The following PIK3C2G variants were observed in gnomAD, a reference collection of about 807,000 sequenced individuals.
PIK3C2G encodes phosphatidylinositol 3-kinase C2 domain-containing subunit gamma.
In PIK3C2G, 168 loss-of-function variants were observed where a neutral mutation model predicts 181.1. That is an observed-to-expected ratio of 0.93 (90% CI 0.82 to 1.05). The LOEUF is 1.05. Ranked by LOEUF, PIK3C2G falls within the 50% of genes least tolerant of loss-of-function variation. The pLI is 0.00. For missense variants in PIK3C2G, 1,869 were observed against 1,732.8 expected, an observed-to-expected ratio of 1.08 and a Z score of -1.40; for synonymous variants, 573 against 592.2, an observed-to-expected ratio of 0.97 and a Z score of 0.47.
the PIK3C2G span, among the ~76,000 whole-genome samples, chr12:18,713,197 T>G: frequency 6.6e-6 from 1 of 152,104 alleles, no homozygotes. Flanking sequence ...AGTACAATAC[T>G]GTGTCTTTCT....
intron 1 of PIK3C2G, among the ~76,000 whole-genome samples, chr12:18,254,873 A>G (rs1948128392): frequency 6.6e-6 from 1 of 151,608 alleles, no homozygotes; most frequent in South Asian, 2.1e-4. Flanking sequence ...AATAATAATA[A>G]TTTCTTAATT....
chr12:18,427,410 G>A (rs1002998162), intron 18 of PIK3C2G, among the ~76,000 whole-genome samples: 1 of 150,782 alleles, frequency 6.6e-6, no homozygotes, highest in Non-Finnish European at 1.5e-5. Flanking sequence ...AGGAGGCTGA[G>A]GCAGGAGAAT....
intron 31 of PIK3C2G, among the ~76,000 whole-genome samples, chr12:18,622,599 C>A (rs1301780228): frequency 1.3e-5 from 2 of 151,764 alleles, no homozygotes; most frequent in South Asian, 2.1e-4. Flanking sequence ...GCTTATATGG[C>A]AATCTTGTTT....
the PIK3C2G span, among the ~76,000 whole-genome samples, chr12:18,699,162 TG>T: frequency 6.6e-6 from 1 of 152,170 alleles, no homozygotes; most frequent in Admixed American, 6.5e-5. Context: ...AGGTGTGCAG[TG>T]GGGCATGCAC....
chr12:18,508,012 CATAATCG>C (rs1200195792), intron 24 of PIK3C2G, among the ~76,000 whole-genome samples: 1 of 152,284 alleles, frequency 6.6e-6, no homozygotes, highest in East Asian at 1.9e-4. Flanking sequence ...CAGCCACACT[CATAATCG>C]GTTCTTAATA....
intron 5 of PIK3C2G, among the ~76,000 whole-genome samples, chr12:18,300,676 T>G (rs532117430): frequency 6.6e-6 from 1 of 152,224 alleles, no homozygotes; most frequent in East Asian, 1.9e-4. Flanking sequence ...TCTAGTTATG[T>G]ATATCTTTTG....
chr12:18,254,033 T>G (rs994391800), intron 1 of PIK3C2G, among the ~76,000 whole-genome samples: 8 of 152,040 alleles, frequency 5.3e-5, no homozygotes, highest in African/African-American at 1.9e-4. Flanking sequence ...AGATGCATCC[T>G]AAGAGCCTAG....
chr12:18,647,901 TC>T lies in PIK3C2G; in HGVS notation c.4336del (p.Gln1446LysfsTer5). 1 of 1,585,268 alleles carries T rather than the reference TC, an allele frequency of 6.3e-7. No individual in the cohort carries two copies. Among genetic ancestry groups the T allele is most frequent in the Non-Finnish European group, 8.6e-7 (1 of 1,163,414 alleles). The stretch of plus-strand genomic sequence containing the variant: ...GTAGTATATGATGAAGTCACAGAGC[TC>T]CAAGGACATGTCTTAATGCTTATTG... ...EIVVYDEVTE[L>X]QGHVLMLIVK... is the part of the protein sequence containing the mutation. On this transcript the variant is annotated frameshift_variant, in exon 33 of 33. Transcript: ENST00000538779. LOFTEE classifies it high-confidence loss of function.
chr12:18,576,652 TA>T (rs923076127), intron 29 of PIK3C2G, among the ~76,000 whole-genome samples: 79 of 152,334 alleles, frequency 5.2e-4, no homozygotes, highest in African/African-American at 1.9e-3. Flanking sequence ...TAACATGTCT[TA>T]ATCTATTTGC....
chr12:18,352,956 G>C (rs141530049), intron 11 of PIK3C2G, among the ~76,000 whole-genome samples: 40 of 152,252 alleles, frequency 2.6e-4, no homozygotes, highest in Middle Eastern at 3.4e-3. Context: ...TGGACCCTGG[G>C]GTTTTTCTGG....
intron 11 of PIK3C2G, among the ~76,000 whole-genome samples, chr12:18,351,211 T>C (rs1473416065): frequency 6.6e-6 from 1 of 151,966 alleles, no homozygotes; most frequent in African/African-American, 2.4e-5. Context: ...TTAGAAAACA[T>C]TATAACTTAA....
chr12:18,513,225 T>C (rs2136149725), intron 24 of PIK3C2G, among the ~76,000 whole-genome samples: 1 of 152,004 alleles, frequency 6.6e-6, no homozygotes, highest in East Asian at 1.9e-4. Flanking sequence ...TTTTTGCATC[T>C]ACGTTAATTA....
Position 18,389,196 on chromosome 12 carries a change from C to CA in PIK3C2G, c.1996-1919dup, listed in dbSNP as rs535998882. ...TGAAACCCCGTCTCTACTAAAAATA[C>CA]AAAAAAATTAGCTGGGTGTGGTGGT... On this transcript the variant is annotated intron_variant, in intron 14 of 32. Coordinates refer to ENST00000538779, the MANE Select transcript of PIK3C2G (RefSeq NM_001288772.2). Among the ~76,000 whole-genome samples, 437 of 151,894 alleles carry CA rather than the reference C, an allele frequency of 2.9e-3. 1 individual carries two copies. Among genetic ancestry groups the CA allele is most frequent in the African/African-American group, 9.7e-3 (404 of 41,440 alleles).
intron 18 of PIK3C2G, among the ~76,000 whole-genome samples, chr12:18,476,393 CAA>C (rs1938998477): frequency 6.6e-6 from 1 of 152,002 alleles, no homozygotes; most frequent in South Asian, 2.1e-4. Context: ...CCGAGAGAAA[CAA>C]ATCATGAAGT....
chr12:18,453,847 T>A (rs1381741078), intron 18 of PIK3C2G, among the ~76,000 whole-genome samples: 1 of 152,190 alleles, frequency 6.6e-6, no homozygotes, highest in African/African-American at 2.4e-5. Context: ...ACTGTCTAAT[T>A]TGAATGTTGT....
At chr12:18,450,514 T>C (rs1053701539) in intron 18 of PIK3C2G, among the ~76,000 whole-genome samples, 10 of 152,112 alleles carry the variant, frequency 6.6e-5, no homozygotes, top group Non-Finnish European at 1.5e-4. Context: ...TGCAAAAATG[T>C]TCCCTCCTTC....
At chr12:18,588,896 A>G (rs1946926659) in intron 29 of PIK3C2G, among the ~76,000 whole-genome samples, 1 of 152,080 alleles carries the variant, frequency 6.6e-6, no homozygotes, top group South Asian at 2.1e-4. Flanking sequence ...ATACACCATG[A>G]AATGCTATGC....
intron 1 of PIK3C2G, among the ~76,000 whole-genome samples, chr12:18,252,051 G>T (rs76300192): frequency 4.5e-4 from 69 of 152,128 alleles, no homozygotes; most frequent in African/African-American, 1.5e-3. Flanking sequence ...AAAACTACAG[G>T]ACATAAATTT....
At chr12:18,331,993 T>G (rs1938023263) in intron 8 of PIK3C2G, among the ~76,000 whole-genome samples, 1 of 152,192 alleles carries the variant, frequency 6.6e-6, no homozygotes, top group African/African-American at 2.4e-5. Context: ...TTACACTTAC[T>G]AAGAATTTAT....
Sources: gnomAD v4.1 joint callset for allele counts (sites outside exome capture counted in the v4.1 genomes callset) on GRCh38, gnomAD v4.1.1 for gene constraint, MANE v1.5 for transcripts, NCBI Gene and HGNC (gene_info 2026-07-23, HGNC 2026-07-21) for gene names.